The following UBR3 variants were observed in gnomAD, a reference collection of about 807,000 sequenced individuals.
UBR3 encodes ubiquitin protein ligase E3 component n-recognin 3.
UBR3 carries 85 observed loss-of-function variants against 243.2 expected under a neutral mutation model. The observed-to-expected ratio is 0.35, with a 90% CI of 0.29 to 0.42. The LOEUF (loss-of-function observed/expected upper bound fraction) is 0.42. Ranked by LOEUF, UBR3 falls within the 10% of genes least tolerant of loss-of-function variation. UBR3 has a pLI of 1.00. For missense variants in UBR3, 1,686 were observed against 2,300.8 expected, an observed-to-expected ratio of 0.73 and a Z score of 5.47; for synonymous variants, 748 against 799.8, an observed-to-expected ratio of 0.94 and a Z score of 1.09.
At chr2:170,032,580 CTTTTTTTTTTT>C (rs6147023) in intron 31 of UBR3, among the ~76,000 whole-genome samples, 12 of 20,438 alleles carry the variant, frequency 5.9e-4, no homozygotes, top group African/African-American at 2.3e-3. Flanking sequence ...ATGACATTCA[CTTTTTTTTTTT>C]TTTTTTTTTT....
At chr2:169,966,948 G>A (rs2087840753) in intron 24 of UBR3, among the ~76,000 whole-genome samples, 1 of 151,800 alleles carries the variant, frequency 6.6e-6, no homozygotes, top group Non-Finnish European at 1.5e-5. Context: ...TTTGGTCTGG[G>A]TCCAAGAGTA....
At chr2:170,001,938 A>AAAAAAAAAAAAAAAAG (rs1559175182) in intron 27 of UBR3, among the ~76,000 whole-genome samples, 12 of 130,126 alleles carry the variant, frequency 9.2e-5, no homozygotes, top group African/African-American at 4.0e-4. Context: ...AAAAAAAAAA[A>AAAAAAAAAAAAAAAAG]AAAAGAAAGA....
chr2:169,861,564 G>T (rs932154755), intron 1 of UBR3, among the ~76,000 whole-genome samples: 42 of 147,304 alleles, frequency 2.9e-4, no homozygotes, highest in Admixed American at 1.1e-3. Flanking sequence ...CCGAGATCGC[G>T]CCACTGCACT....
chr2:169,833,076 G>T (rs2081988539), intron 1 of UBR3, among the ~76,000 whole-genome samples: 1 of 152,120 alleles, frequency 6.6e-6, no homozygotes, highest in Non-Finnish European at 1.5e-5. Context: ...ACTCTTCAGG[G>T]TATACTGAAA....
chr2:169,855,496 C>G (rs1029056501), intron 1 of UBR3, among the ~76,000 whole-genome samples: 4 of 151,968 alleles, frequency 2.6e-5, no homozygotes, highest in Middle Eastern at 3.2e-3. Context: ...AGGGCCCTGC[C>G]GCCTTCCGCA....
intron 11 of UBR3, among the ~76,000 whole-genome samples, chr2:169,914,461 T>A (rs1187579123): frequency 6.6e-6 from 1 of 152,170 alleles, no homozygotes; most frequent in African/African-American, 2.4e-5. Flanking sequence ...CAGTTGAATA[T>A]ATAAAAGTGA....
intron 1 of UBR3, among the ~76,000 whole-genome samples, chr2:169,831,850 G>A (rs957419359): frequency 6.6e-6 from 1 of 152,210 alleles, no homozygotes; most frequent in African/African-American, 2.4e-5. Flanking sequence ...GCCAAAGATT[G>A]AATGTGTGTT....
chr2:170,040,366 A>T (rs2090937449), intron 31 of UBR3, among the ~76,000 whole-genome samples: 1 of 151,824 alleles, frequency 6.6e-6, no homozygotes, highest in South Asian at 2.1e-4. Context: ...TCAGCCTCAC[A>T]AAGTGCTGGG....
chr2:170,006,962 G>T (rs374773200), intron 27 of UBR3, 28 bp from the exon 28 acceptor site: 2 of 1,601,118 alleles, frequency 1.2e-6, no homozygotes, highest in Non-Finnish European at 1.7e-6. Context: ...TGTATATCAC[G>T]CATCTGTATG....
At chr2:170,080,119 T>G in intron 37 of UBR3, 96 bp downstream of exon 37, 1 of 1,125,972 alleles carries the variant, frequency 8.9e-7, no homozygotes, top group Non-Finnish European at 1.3e-6. Flanking sequence ...ACTCTTTGAA[T>G]TAAGTATATA....
intron 37 of UBR3, 177 bp downstream of exon 37, chr2:170,080,200 A>G (rs2105462667): frequency 3.1e-6 from 2 of 645,374 alleles, no homozygotes; most frequent in Admixed American, 3.4e-5. Context: ...TGAGGCTTTA[A>G]GTGAGTAAAT....
intron 8 of UBR3, among the ~76,000 whole-genome samples, chr2:169,900,890 T>A (rs1006384081): frequency 1.3e-5 from 2 of 152,214 alleles, no homozygotes; most frequent in Non-Finnish European, 2.9e-5. Flanking sequence ...TTTCCCAGAA[T>A]AGCCTTAAGT....
At position 169,946,294 on chromosome 2, in the gene UBR3, A is replaced by C; in HGVS notation, c.2812A>C (p.Met938Leu). ...TTTTCTTCCCTTTTTAAAGATTTTG[A>C]TGGATCATCAAAATCTGTCAGAACA... is the stretch of plus-strand genomic sequence containing the variant. ...VLFTLLYKIL[M>L]DHQNLSEHVL... The change falls in exon 21 of 39, where the codon ATG becomes CTG. Residue 938 changes from methionine to leucine, a missense_variant. Around this residue, in one of 8 missense-constraint regions of UBR3, gnomAD observed 300 missense variants for 314.4 expected, o/e 0.95. Transcript: ENST00000272793. 1 of 1,483,134 alleles carries C rather than the reference A, an allele frequency of 6.7e-7. No individual in the cohort carries two copies. The highest frequency in any genetic ancestry group is 9.0e-7 in the Non-Finnish European group (1 of 1,115,382). 91.9% of individuals were successfully genotyped at this position (1,483,134 alleles called of 1,614,324 possible).
At chr2:169,969,546 G>A (rs968300571) in intron 24 of UBR3, among the ~76,000 whole-genome samples, 5 of 130,958 alleles carry the variant, frequency 3.8e-5, no homozygotes, top group Admixed American at 7.5e-5. Flanking sequence ...TTCCATTTGT[G>A]TCTTTTTTTT....
In UBR3 at chr2:170,034,736, G is replaced by T. The variant is rs1386967775; in HGVS notation, c.4556+5288G>T. Among the ~76,000 whole-genome samples, 3 of 151,886 alleles carry T rather than the reference G, an allele frequency of 2.0e-5. No homozygotes were observed. The East Asian group carries it at 5.8e-4, about 29-fold the overall frequency. On this transcript the variant is annotated intron_variant, in intron 31 of 38. Transcript: ENST00000272793. ...ATAGTAATAGCATGTTTAGTTTTGTGAGAAACCACCAAACTGTTTTCCAAA... is the reference window on the plus strand; with the variant it reads ...ATAGTAATAGCATGTTTAGTTTTGTTAGAAACCACCAAACTGTTTTCCAAA...
At chr2:170,057,046 A>G (rs2091350282) in intron 33 of UBR3, among the ~76,000 whole-genome samples, 1 of 152,060 alleles carries the variant, frequency 6.6e-6, no homozygotes, top group Non-Finnish European at 1.5e-5. Flanking sequence ...GTCTTTCTTG[A>G]AAGATTTTTT....
At chr2:170,009,009 ATTTG>A (rs1574388637) in intron 29 of UBR3, 69 bp downstream of exon 29, 1 of 1,041,358 alleles carries the variant, frequency 9.6e-7, no homozygotes, top group Non-Finnish European at 1.3e-6. Flanking sequence ...TTTAATAAAT[ATTTG>A]TTTTATTTAT....
chr2:169,996,824 C>T (rs914027572), intron 26 of UBR3, among the ~76,000 whole-genome samples: 6 of 151,304 alleles, frequency 4.0e-5, no homozygotes, highest in South Asian at 2.1e-4. Flanking sequence ...CTCAGCCTTC[C>T]GAGTAGCTGG....
In UBR3 at chr2:170,083,189, G is replaced by C. The variant is rs1353873438; in HGVS notation, c.*1346G>C. On this transcript the variant is annotated 3_prime_UTR_variant, in exon 39 of 39. Transcript: ENST00000272793. ...ACAAATCTAATGATAAAATATGTCAGATCCATGTTCTAAAAAATTTTTGTA... is the reference window on the plus strand; with the variant it reads ...ACAAATCTAATGATAAAATATGTCACATCCATGTTCTAAAAAATTTTTGTA... 8.5e-6 allele frequency: 1 copy of C among 117,112 alleles called. No individual in the cohort carries two copies. The highest frequency in any genetic ancestry group is 1.8e-5 in the Non-Finnish European group (1 of 54,508). The allele number at this position is 117,112 out of a possible 1,614,324, so 7.3% of individuals were successfully genotyped here.
Sources: gnomAD v4.1 joint callset for allele counts (sites outside exome capture counted in the v4.1 genomes callset) on GRCh38, gnomAD v4.1.1 for gene constraint, gnomAD v4.1.1 regional missense constraint, MANE v1.5 for transcripts, NCBI Gene and HGNC (gene_info 2026-07-23, HGNC 2026-07-21) for gene names.